IKZF2: variants seen among roughly 807,000 people sequenced by gnomAD.
IKZF2 encodes the protein zinc finger protein Helios.
IKZF2 carries 15 observed loss-of-function variants against 49.2 expected under a neutral mutation model. The ratio of observed to expected loss-of-function variants is 0.30; its 90% CI spans 0.20 to 0.47. The LOEUF (loss-of-function observed/expected upper bound fraction) is 0.47. Among genes scored for constraint, IKZF2 ranks in the 20% least tolerant of loss-of-function variants. IKZF2 has a pLI of 1.00. For synonymous variants in IKZF2, 227 were observed against 221.4 expected (o/e 1.03, Z -0.23); for missense variants, 567 against 664.6 (o/e 0.85, Z 1.61).
intron 4 of IKZF2, among the ~76,000 whole-genome samples, chr2:213,128,808 T>C (rs113271272): frequency 0.042 from 6,050 of 145,604 alleles, 244 homozygotes; most frequent in African/African-American, 0.1. Context: ...TTTTTTCTTT[T>C]TTTTTTTTTT....
chr2:213,116,864 ATTCT>A (rs765478069), intron 4 of IKZF2, among the ~76,000 whole-genome samples: 60 of 152,290 alleles, frequency 3.9e-4, no homozygotes, highest in South Asian at 8.3e-4. Context: ...ACCTGCATTC[ATTCT>A]ATCAAAAATG....
intron 4 of IKZF2, among the ~76,000 whole-genome samples, chr2:213,078,026 C>T (rs77906746): frequency 0.022 from 3,319 of 151,702 alleles, 127 homozygotes; most frequent in African/African-American, 0.076. Flanking sequence ...TATTCCTTTC[C>T]GTCTTAAGAG....
At chr2:213,140,388 G>C (rs1419878085) in intron 4 of IKZF2, among the ~76,000 whole-genome samples, 1 of 151,716 alleles carries the variant, frequency 6.6e-6, no homozygotes, top group Admixed American at 6.6e-5. Flanking sequence ...TATTGTATCT[G>C]CATATTTATC....
chr2:213,141,082 CAG>C (rs564388799), intron 4 of IKZF2, among the ~76,000 whole-genome samples: 107 of 152,074 alleles, frequency 7.0e-4, no homozygotes, highest in Middle Eastern at 3.4e-3. Context: ...TCTTCACTGA[CAG>C]AACCTACCAC....
Position 213,014,003 on chromosome 2 carries a change from A to G in IKZF2, c.713-69T>C, listed in dbSNP as rs76519060. 12,371 of 1,443,292 alleles carry G rather than the reference A, an allele frequency of 8.6e-3. 100 individuals carry two copies. The highest frequency in any genetic ancestry group is 0.022 in the South Asian group (1,903 of 84,990). 89.4% of individuals were successfully genotyped at this position (1,443,292 alleles called of 1,614,324 possible). A position where few individuals can be genotyped will look rare whatever the true frequency, so the allele number is the denominator to read the frequency against. On this transcript the variant is annotated intron_variant, in intron 7 of 8. Coordinates refer to ENST00000434687, the MANE Select transcript of IKZF2 (RefSeq NM_001387220.1). Reference sequence around the variant, plus strand: ...CATTTTGGATGATACAAAGCTGGATATGCCATCTCGATATGTGTTATAAAA... The same window carrying G: ...CATTTTGGATGATACAAAGCTGGATGTGCCATCTCGATATGTGTTATAAAA...
intron 4 of IKZF2, among the ~76,000 whole-genome samples, chr2:213,146,961 C>T (rs1232399240): frequency 6.6e-6 from 1 of 151,960 alleles, no homozygotes; most frequent in Non-Finnish European, 1.5e-5. Context: ...GATAACTAAA[C>T]TGATAAAATA....
chr2:213,015,695 C>G (rs1020022903), intron 7 of IKZF2, among the ~76,000 whole-genome samples: 6 of 151,050 alleles, frequency 4.0e-5, no homozygotes, highest in Non-Finnish European at 5.9e-5. Context: ...TTAGAAATAA[C>G]AATAAAACTA....
chr2:213,117,131 G>T (rs2059905282), intron 4 of IKZF2, among the ~76,000 whole-genome samples: 1 of 152,008 alleles, frequency 6.6e-6, no homozygotes, highest in Non-Finnish European at 1.5e-5. Context: ...AACAGCGAAA[G>T]AAATTAATTT....
chr2:213,010,670 CAT>C (rs1491364420), intron 8 of IKZF2, among the ~76,000 whole-genome samples: 25 of 151,998 alleles, frequency 1.6e-4, no homozygotes, highest in African/African-American at 5.3e-4. Context: ...GGTGTCCATA[CAT>C]GTGTGTGTGA....
intron 4 of IKZF2, among the ~76,000 whole-genome samples, chr2:213,146,204 C>G (rs564457301): frequency 1.2e-4 from 19 of 152,090 alleles, no homozygotes; most frequent in African/African-American, 4.3e-4. Flanking sequence ...TGTGAGTTAT[C>G]TGAGAAATAA....
intron 4 of IKZF2, among the ~76,000 whole-genome samples, chr2:213,062,124 A>C (rs1701752097): frequency 6.6e-6 from 1 of 151,610 alleles, no homozygotes; most frequent in South Asian, 2.1e-4. Flanking sequence ...TAAGATAATA[A>C]ATTCTACCCT....
chr2:213,091,391 A>T (rs1023181005), intron 4 of IKZF2, among the ~76,000 whole-genome samples: 6 of 152,218 alleles, frequency 3.9e-5, no homozygotes, highest in African/African-American at 1.4e-4. Context: ...TGAGAGGTAC[A>T]TTCATAACAG....
At chr2:213,132,796 C>T (rs944349345) in intron 4 of IKZF2, among the ~76,000 whole-genome samples, 1 of 152,172 alleles carries the variant, frequency 6.6e-6, no homozygotes, top group African/African-American at 2.4e-5. Context: ...ACTTAATTAC[C>T]ATTTCAATTA....
intron 5 of IKZF2, 37 bp from the exon 6 acceptor site, chr2:213,049,917 G>T: frequency 7.0e-7 from 1 of 1,436,308 alleles, no homozygotes; most frequent in Non-Finnish European, 9.3e-7. Context: ...TATCAACTAG[G>T]GTATGTGCAA....
chr2:213,137,864 C>G (rs114633797), intron 4 of IKZF2, among the ~76,000 whole-genome samples: 1 of 152,006 alleles, frequency 6.6e-6, no homozygotes, highest in Non-Finnish European at 1.5e-5. Flanking sequence ...AACACAGCAA[C>G]GTAGTACCCT....
Position 213,000,007 on chromosome 2 carries a change from T to C in IKZF2, c.*7353A>G, listed in dbSNP as rs559354474. On this transcript the variant is annotated 3_prime_UTR_variant, in exon 9 of 9. Coordinates refer to ENST00000434687, the MANE Select transcript of IKZF2 (RefSeq NM_001387220.1). ...ACCACATACATGCACAGAACATGTA[T>C]GTGTGTGCATTAAAAACAAAGAAGA... 6.6e-6 allele frequency: 1 copy of C among 152,166 alleles called. No individual in the cohort carries two copies. The highest frequency in any genetic ancestry group is 1.9e-4 in the East Asian group (1 of 5,152). The allele number at this position is 152,166 out of a possible 1,614,324, so 9.4% of individuals were successfully genotyped here.
intron 4 of IKZF2, among the ~76,000 whole-genome samples, chr2:213,091,884 C>T (rs1705371500): frequency 6.7e-6 from 1 of 149,736 alleles, no homozygotes; most frequent in African/African-American, 2.4e-5. Context: ...AGAGTATAAG[C>T]TGTGTGTGTG....
intron 4 of IKZF2, among the ~76,000 whole-genome samples, chr2:213,058,137 G>C (rs1701346290): frequency 6.6e-6 from 1 of 152,084 alleles, no homozygotes; most frequent in Admixed American, 6.6e-5. Context: ...CATTGCCGTT[G>C]TTTTCTTAGA....
At chr2:213,139,050 G>A (rs1354007581) in intron 4 of IKZF2, among the ~76,000 whole-genome samples, 1 of 151,782 alleles carries the variant, frequency 6.6e-6, no homozygotes, top group Non-Finnish European at 1.5e-5. Context: ...ATCCTTTATG[G>A]GCACTATAAG....
Sources: allele counts gnomAD v4.1 joint callset (sites outside exome capture counted in the v4.1 genomes callset), GRCh38; gene constraint gnomAD v4.1.1; transcripts MANE v1.5; gene names NCBI Gene and HGNC (gene_info 2026-07-23, HGNC 2026-07-21).